The following CCDC93 variants were observed in gnomAD, a reference collection of about 807,000 sequenced individuals.
CCDC93 encodes the protein coiled-coil domain-containing protein 93.
Under a neutral mutation model 108.2 loss-of-function variants are expected in CCDC93, and 61 were observed. That is an observed-to-expected ratio of 0.56 (90% CI 0.46 to 0.70). The LOEUF (loss-of-function observed/expected upper bound fraction) is 0.70, where lower values mean the gene tolerates loss of function less well. CCDC93 is among the 30% of genes least tolerant of loss of function. The probability of loss-of-function intolerance (pLI) is 0.00; values close to 1 mark genes in which losing one functional copy is unlikely to be tolerated. For missense variants in CCDC93, 685 were observed against 764.2 expected (o/e 0.90, Z 1.22); for synonymous variants, 276 against 260.4 (o/e 1.06, Z -0.58).
chr2:117,938,032 A>G (rs976048155), intron 20 of CCDC93, among the ~76,000 whole-genome samples: 1 of 152,242 alleles, frequency 6.6e-6, no homozygotes, highest in African/African-American at 2.4e-5. Context: ...ATTAGTGTAG[A>G]CTACAAGGTG....
At chr2:117,939,791 G>A (rs575319636) in intron 19 of CCDC93, among the ~76,000 whole-genome samples, 27 of 152,250 alleles carry the variant, frequency 1.8e-4, no homozygotes, top group Non-Finnish European at 3.2e-4. Flanking sequence ...GAGAGGCCAA[G>A]TCCTCAAGGC....
intron 23 of CCDC93, among the ~76,000 whole-genome samples, chr2:117,920,819 G>A (rs1340432240): frequency 3.9e-5 from 6 of 152,172 alleles, no homozygotes; most frequent in Non-Finnish European, 7.3e-5. Context: ...AACACATAGA[G>A]TTCTAACAGT....
At chr2:117,927,495 G>A (rs1573460344) in intron 23 of CCDC93, among the ~76,000 whole-genome samples, 2 of 152,104 alleles carry the variant, frequency 1.3e-5, no homozygotes, top group East Asian at 3.9e-4. Context: ...CAAATCATGA[G>A]TGAACTCCCA....
At chr2:117,983,744 G>A (rs1480153834) in intron 7 of CCDC93, among the ~76,000 whole-genome samples, 2 of 142,004 alleles carry the variant, frequency 1.4e-5, no homozygotes, top group African/African-American at 5.4e-5. Context: ...AGAACCTAGA[G>A]GAAACAGACT....
At position 118,014,041 on chromosome 2, in the gene CCDC93, T is replaced by A; in HGVS notation, c.-46A>T. ...AGGCGAGAGCGAAGCCCGCCAAGCG[T>A]CCGGAGGAAGCTGTCCCTGCCGCGG... On this transcript the variant is annotated 5_prime_UTR_variant, in exon 1 of 24. Coordinates refer to ENST00000376300, the MANE Select transcript of CCDC93 (RefSeq NM_019044.5). The A allele has an allele frequency of 6.3e-7, 1 of 1,577,972 alleles. No individual in the cohort carries two copies. The highest frequency in any genetic ancestry group is 8.6e-7 in the Non-Finnish European group (1 of 1,163,026).
At chr2:117,993,477 G>A (rs187938968) in intron 6 of CCDC93, among the ~76,000 whole-genome samples, 68 of 150,076 alleles carry the variant, frequency 4.5e-4, no homozygotes, top group Admixed American at 2.5e-3. Flanking sequence ...TGTACTTACT[G>A]TTTTGAATAG....
chr2:117,976,266 C>T (rs1270121664), intron 8 of CCDC93, among the ~76,000 whole-genome samples: 1 of 152,148 alleles, frequency 6.6e-6, no homozygotes, highest in African/African-American at 2.4e-5. Context: ...ATTTCAGGGA[C>T]ATCTCATGAT....
intron 22 of CCDC93, chr2:117,931,457 A>C: frequency 3.4e-6 from 1 of 292,466 alleles, no homozygotes. Flanking sequence ...CCCACCCGGC[A>C]GTGTCTGGAG....
At chr2:117,930,874 C>T (rs1678301976) in intron 23 of CCDC93, 163 bp downstream of exon 23, 10 of 532,772 alleles carry the variant, frequency 1.9e-5, no homozygotes, top group Non-Finnish European at 3.0e-5. Context: ...ACGCAATCTT[C>T]AGCTACCTAG....
intron 11 of CCDC93, among the ~76,000 whole-genome samples, chr2:117,968,198 G>C (rs1234225983): frequency 6.6e-6 from 1 of 152,170 alleles, no homozygotes; most frequent in Non-Finnish European, 1.5e-5. Flanking sequence ...GTCCCTTCCT[G>C]CCCTCCCAGG....
At chr2:118,006,012 C>T (rs74710557) in intron 3 of CCDC93, among the ~76,000 whole-genome samples, 6,035 of 152,252 alleles carry the variant, frequency 0.04, 191 homozygotes, top group South Asian at 0.13. Context: ...CTTACCCCAA[C>T]TCTGCCTTTT....
chr2:117,939,162 C>T (rs1378017420), intron 19 of CCDC93, 51 bp from the exon 20 acceptor site: 1 of 1,072,910 alleles, frequency 9.3e-7, no homozygotes, highest in Admixed American at 1.8e-5. Context: ...ATCAGAACAC[C>T]CTACCTGCCC....
At chr2:117,993,758 G>C (rs975288362) in intron 6 of CCDC93, among the ~76,000 whole-genome samples, 3 of 152,190 alleles carry the variant, frequency 2.0e-5, no homozygotes, top group Non-Finnish European at 4.4e-5. Context: ...TTTTGAGATG[G>C]AGTCTTGCTC....
At chr2:117,971,047 C>G (rs1299110758) in intron 11 of CCDC93, among the ~76,000 whole-genome samples, 1 of 152,128 alleles carries the variant, frequency 6.6e-6, no homozygotes, top group Admixed American at 6.6e-5. Flanking sequence ...TGTATTAACA[C>G]ATAAATTATG....
Position 117,931,101 on chromosome 2 carries a change from T to A in CCDC93, c.1778A>T (p.Asp593Val), listed in dbSNP as rs772110415. ...CTTTTCTAACAGCTCCAAGTACTGG[T>A]CGTTCAACTGGTCTCTTCTCATTTT... Reference protein sequence around the residue: ...ENKMRRDQLNDQYLELLEKQR... With the variant: ...ENKMRRDQLNVQYLELLEKQR... The change falls in exon 23 of 24, where the codon GAC becomes GTC. Residue 593 changes from aspartate (D) to valine (V), a missense_variant. Transcript: ENST00000376300. The A allele has an allele frequency of 2.5e-6, 4 of 1,613,916 alleles. No homozygotes were observed. The Admixed American group carries it at 5.0e-5, about 20-fold the overall frequency.
intron 23 of CCDC93, among the ~76,000 whole-genome samples, chr2:117,921,426 T>C (rs1677866598): frequency 6.6e-6 from 1 of 152,084 alleles, no homozygotes; most frequent in African/African-American, 2.4e-5. Context: ...CTCCATCTGC[T>C]AGCAAACCTC....
At chr2:117,935,708 TG>T (rs1201050280) in intron 21 of CCDC93, 129 bp from the exon 22 acceptor site, 8 of 566,672 alleles carry the variant, frequency 1.4e-5, no homozygotes, top group Non-Finnish European at 2.4e-5. Context: ...TAACGCACAG[TG>T]GAGCCACGGG....
intron 11 of CCDC93, among the ~76,000 whole-genome samples, chr2:117,959,540 G>C (rs1679324561): frequency 6.6e-6 from 1 of 152,180 alleles, no homozygotes; most frequent in Admixed American, 6.5e-5. Flanking sequence ...GTGAGAATGA[G>C]GAGAAATTGG....
At chr2:117,923,601 TAAAC>T (rs1462502420) in intron 23 of CCDC93, among the ~76,000 whole-genome samples, 2 of 151,922 alleles carry the variant, frequency 1.3e-5, no homozygotes, top group African/African-American at 4.8e-5. Flanking sequence ...CTTGAGTAGG[TAAAC>T]AAAGCAGCCG....
Sources: allele counts gnomAD v4.1 joint callset (sites outside exome capture counted in the v4.1 genomes callset), GRCh38; gene constraint gnomAD v4.1.1; transcripts MANE v1.5; gene names NCBI Gene and HGNC (gene_info 2026-07-23, HGNC 2026-07-21).